SRPK2: variants seen among roughly 807,000 people sequenced by gnomAD.
SRPK2 encodes SFRS protein kinase 2.
Under a neutral mutation model 90.8 loss-of-function variants are expected in SRPK2, and 21 were observed. That is an observed-to-expected ratio of 0.23 (90% CI 0.16 to 0.33). The LOEUF (loss-of-function observed/expected upper bound fraction) is 0.33. SRPK2 is among the 10% of genes least tolerant of loss of function. The probability of loss-of-function intolerance (pLI) is 1.00; values close to 1 mark genes in which losing one functional copy is unlikely to be tolerated. For synonymous variants in SRPK2, 288 were observed against 311.1 expected (o/e 0.93, Z 0.78); for missense variants, 620 against 869.0 (o/e 0.71, Z 3.60).
At position 105,257,993 on chromosome 7, in the gene SRPK2, C is replaced by T. The variant is rs1563156347; in HGVS notation, c.72-54208G>A. Among the ~76,000 whole-genome samples, 6 of 149,414 alleles carry T rather than the reference C, an allele frequency of 4.0e-5. No homozygotes were observed. In the South Asian group the frequency reaches 1.3e-3, roughly 32 times the overall value. ...GTGGTGGCACGCGCCTGTAGTCCCA[C>T]CTACTCTGGAGGGGGAGGCAGGATA... On this transcript the variant is annotated intron_variant, in intron 2 of 15. Transcript: ENST00000393651.
chr7:105,200,110 T>A (rs1795365315), intron 3 of SRPK2, among the ~76,000 whole-genome samples: 1 of 152,136 alleles, frequency 6.6e-6, no homozygotes, highest in African/African-American at 2.4e-5. Context: ...AAGACCAGCC[T>A]GGCCAACATG....
At chr7:105,240,898 T>C (rs566301962) in intron 2 of SRPK2, among the ~76,000 whole-genome samples, 8 of 152,228 alleles carry the variant, frequency 5.3e-5, no homozygotes, top group Non-Finnish European at 8.8e-5. Flanking sequence ...GTCAGTACTA[T>C]GCCAGTTCAC....
intron 3 of SRPK2, among the ~76,000 whole-genome samples, chr7:105,172,621 T>A (rs1313251266): frequency 6.6e-6 from 1 of 152,196 alleles, no homozygotes; most frequent in African/African-American, 2.4e-5. Flanking sequence ...GTATTATTTC[T>A]ACAATGCTAC....
At chr7:105,288,923 A>G (rs1253971403) in intron 2 of SRPK2, among the ~76,000 whole-genome samples, 1 of 152,110 alleles carries the variant, frequency 6.6e-6, no homozygotes, top group Admixed American at 6.5e-5. Context: ...AAATCTCTCA[A>G]TAACGAAGCT....
chr7:105,393,070 C>T (rs550095093), upstream of SRPK2, among the ~76,000 whole-genome samples: 2 of 151,616 alleles, frequency 1.3e-5, no homozygotes, highest in South Asian at 2.1e-4. Context: ...CTTGGCCTAA[C>T]GCAACCTCCG....
intron 3 of SRPK2, among the ~76,000 whole-genome samples, chr7:105,186,129 C>T (rs1793545852): frequency 6.6e-6 from 1 of 152,174 alleles, no homozygotes; most frequent in Non-Finnish European, 1.5e-5. Flanking sequence ...CTACACAAAT[C>T]TCTATTTCTA....
intron 2 of SRPK2, among the ~76,000 whole-genome samples, chr7:105,275,486 T>C (rs1415882203): frequency 6.6e-6 from 1 of 152,202 alleles, no homozygotes; most frequent in African/African-American, 2.4e-5. Flanking sequence ...AACTCTTTTA[T>C]TCTTGTTTTT....
At chr7:105,330,110 C>T (rs774034745) in intron 2 of SRPK2, among the ~76,000 whole-genome samples, 4 of 151,608 alleles carry the variant, frequency 2.6e-5, no homozygotes, top group Admixed American at 6.6e-5. Flanking sequence ...TGGGAGGCCA[C>T]GGGAGGATCA....
At position 105,146,320 on chromosome 7, in the gene SRPK2, A is replaced by G. The variant is rs116634008; in HGVS notation, c.787+173T>C. Among the ~76,000 whole-genome samples the G allele has an allele frequency of 6.6e-3, 1,009 of 152,348 alleles. 14 individuals carry two copies. The highest frequency in any genetic ancestry group is 0.023 in the African/African-American group (954 of 41,574). On this transcript the variant is annotated intron_variant, in intron 8 of 15. Transcript: ENST00000393651. ...ACAAAAGTAAATACTTCCAATATTA[A>G]AATATAATGTAGCTGGGGCATTTTC...
chr7:105,122,239 G>A (rs953545430), intron 15 of SRPK2, among the ~76,000 whole-genome samples: 1 of 152,188 alleles, frequency 6.6e-6, no homozygotes, highest in Admixed American at 6.5e-5. Flanking sequence ...AGTAGGCAAT[G>A]ATTTATTAGA....
intron 2 of SRPK2, among the ~76,000 whole-genome samples, chr7:105,253,089 C>T (rs962741358): frequency 1.3e-5 from 2 of 152,074 alleles, no homozygotes; most frequent in Admixed American, 6.5e-5. Context: ...TAATTAACTG[C>T]GTAAAACCTA....
rs113870505 is a variant in SRPK2, at chr7:105,216,551, G to A, written c.72-12766C>T. ...CGCCTGTGGTCCCAACTACTCAGGA[G>A]GCTGAAGCAGGAGAATCACTTTAAC... On this transcript the variant is annotated intron_variant, in intron 2 of 15. Coordinates refer to ENST00000393651, the MANE Select transcript of SRPK2 (RefSeq NM_182692.3). 2.2e-3 allele frequency among the ~76,000 whole-genome samples: 327 copies of A among 152,006 alleles called. 2 individuals are homozygous for A. The highest frequency in any genetic ancestry group is 7.6e-3 in the African/African-American group (316 of 41,464).
intron 2 of SRPK2, among the ~76,000 whole-genome samples, chr7:105,346,599 C>CA (rs1816486365): frequency 6.6e-6 from 1 of 151,926 alleles, no homozygotes. Context: ...ACTAAAAACA[C>CA]AAAAATTAGC....
At chr7:105,118,110 G>C (rs139140254) in intron 15 of SRPK2, 88 bp from the exon 16 acceptor site, 15 of 1,388,058 alleles carry the variant, frequency 1.1e-5, no homozygotes, top group South Asian at 2.6e-5. Flanking sequence ...TCAGTGAAGC[G>C]GACAACCACC....
chr7:105,345,891 C>A (rs1257166593), intron 2 of SRPK2, among the ~76,000 whole-genome samples: 1 of 152,230 alleles, frequency 6.6e-6, no homozygotes, highest in East Asian at 1.9e-4. Context: ...TGGCCAAGGG[C>A]CAGCTTTCAG....
intron 2 of SRPK2, among the ~76,000 whole-genome samples, chr7:105,294,317 T>G (rs1809488742): frequency 6.6e-6 from 1 of 152,224 alleles, no homozygotes; most frequent in African/African-American, 2.4e-5. Flanking sequence ...GTACCTATTG[T>G]TTACCAGCAC....
intron 2 of SRPK2, among the ~76,000 whole-genome samples, chr7:105,217,268 T>C (rs1465757759): frequency 1.3e-5 from 2 of 152,120 alleles, no homozygotes; most frequent in Non-Finnish European, 2.9e-5. Context: ...AATTATCACA[T>C]ACTTCTACAA....
At chr7:105,376,842 ACCC>A (rs1489184923) in intron 2 of SRPK2, among the ~76,000 whole-genome samples, 1 of 35,148 alleles carries the variant, frequency 2.8e-5, no homozygotes, top group Non-Finnish European at 5.3e-5. Flanking sequence ...CCGCCCCCCC[ACCC>A]CCCTTTTTTT....
chr7:105,143,483 G>T, intron 9 of SRPK2, 153 bp from the exon 10 acceptor site: 1 of 959,974 alleles, frequency 1.0e-6, no homozygotes. Flanking sequence ...TTTGTGGTAA[G>T]GCTTACGATA....
Sources: allele counts gnomAD v4.1 joint callset (sites outside exome capture counted in the v4.1 genomes callset), GRCh38; gene constraint gnomAD v4.1.1; transcripts MANE v1.5; gene names NCBI Gene and HGNC (gene_info 2026-07-23, HGNC 2026-07-21).